Variants in SOS2 observed in about 807,000 individuals in gnomAD.
SOS2 encodes the protein SOS Ras/Rho guanine nucleotide exchange factor 2.
A neutral mutation model predicts 148.2 loss-of-function variants in SOS2; 65 were observed. The observed-to-expected ratio is 0.44, with a 90% CI of 0.36 to 0.54. The LOEUF (loss-of-function observed/expected upper bound fraction) is 0.54. Ranked by LOEUF, SOS2 falls within the 20% of genes least tolerant of loss-of-function variation. The pLI, the probability that SOS2 is intolerant of heterozygous loss-of-function variation, is 0.00. For synonymous variants in SOS2, 539 were observed against 537.1 expected, an observed-to-expected ratio of 1.00 and a Z score of -0.05; for missense variants, 1,341 against 1,590.2, an observed-to-expected ratio of 0.84 and a Z score of 2.67.
At chr14:50,142,427 C>T (rs1203123838) in intron 16 of SOS2, among the ~76,000 whole-genome samples, 2 of 152,050 alleles carry the variant, frequency 1.3e-5, no homozygotes, top group East Asian at 1.9e-4. Flanking sequence ...CTCTATTCCC[C>T]TCTAATAACA....
chr14:50,187,644 C>T (rs184366778), intron 5 of SOS2, among the ~76,000 whole-genome samples: 24 of 152,016 alleles, frequency 1.6e-4, no homozygotes, highest in Admixed American at 3.3e-4. Context: ...CCACTGCACC[C>T]GGTCAAGACT....
intron 21 of SOS2, among the ~76,000 whole-genome samples, chr14:50,125,736 G>A (rs539122066): frequency 1.5e-4 from 23 of 152,286 alleles, no homozygotes; most frequent in Non-Finnish European, 2.8e-4. Context: ...GTTAAGTCTG[G>A]ATAAGGGAGA....
At position 50,145,248 on chromosome 14, in the gene SOS2, C is replaced by A; in HGVS notation, c.2589G>T (p.Leu863Phe). The change falls in exon 16 of 23, where the codon TTG (leucine) becomes TTT (phenylalanine). Residue 863 changes from leucine to phenylalanine, a missense_variant. Physicochemically the swap from Leu to Phe is conservative, Grantham distance 22. Around this residue, in one of 4 missense-constraint regions of SOS2, gnomAD observed 408 missense variants for 506.6 expected, o/e 0.81. Coordinates refer to ENST00000216373, the MANE Select transcript of SOS2 (RefSeq NM_006939.4). ...IIEILQVFQDLNNFNGVLEIV... is the reference protein window; with the variant it reads ...IIEILQVFQDFNNFNGVLEIV... ...TCTCCAATACGCCATTGAAATTATT[C>A]AAATCTTGAAAAACTTGCAGAATTT... 1 of 1,612,092 alleles carries A rather than the reference C, an allele frequency of 6.2e-7. No individual in the cohort carries two copies. Among genetic ancestry groups the A allele is most frequent in the Non-Finnish European group, 8.5e-7 (1 of 1,178,512 alleles).
chr14:50,125,602 T>C (rs1041866910), intron 21 of SOS2, among the ~76,000 whole-genome samples: 54 of 34,900 alleles, frequency 1.5e-3, no homozygotes, highest in Non-Finnish European at 3.1e-3. Flanking sequence ...TGGAGGAAGA[T>C]GAAACCCTAC....
At chr14:50,163,378 GAACT>G (rs1167874203) in intron 8 of SOS2, among the ~76,000 whole-genome samples, 1 of 152,002 alleles carries the variant, frequency 6.6e-6, no homozygotes, top group Non-Finnish European at 1.5e-5. Flanking sequence ...CCTCAGCAAA[GAACT>G]AACTGGCTAT....
At chr14:50,193,151 T>G (rs1886203797) in intron 4 of SOS2, among the ~76,000 whole-genome samples, 1 of 152,140 alleles carries the variant, frequency 6.6e-6, no homozygotes, top group Non-Finnish European at 1.5e-5. Context: ...TTATTTTTAG[T>G]AGAGATGAGG....
chr14:50,129,738 G>A (rs973714647), intron 21 of SOS2, among the ~76,000 whole-genome samples: 5 of 152,160 alleles, frequency 3.3e-5, no homozygotes, highest in Non-Finnish European at 5.9e-5. Context: ...GGGAAGGTAA[G>A]TAATTTCTTC....
intron 4 of SOS2, among the ~76,000 whole-genome samples, chr14:50,189,331 C>CAAAAAAA (rs761860061): frequency 0.35 from 10,668 of 30,820 alleles, 3,170 homozygotes; most frequent in Admixed American, 0.46. Context: ...CACATAATAG[C>CAAAAAAA]AAAAAAAAAA....
chr14:50,143,025 C>T (rs1017600293), intron 16 of SOS2, among the ~76,000 whole-genome samples: 1 of 151,996 alleles, frequency 6.6e-6, no homozygotes, highest in Non-Finnish European at 1.5e-5. Flanking sequence ...ATATGTGCAA[C>T]TAAATAAAAA....
chr14:50,150,259 T>C, intron 13 of SOS2, 29 bp from the exon 14 acceptor site: 1 of 1,394,260 alleles, frequency 7.2e-7, no homozygotes, highest in South Asian at 1.2e-5. Context: ...AAGAAAAATG[T>C]CTTTTACTTG....
chr14:50,210,884 T>C (rs1366852739), intron 1 of SOS2, among the ~76,000 whole-genome samples: 1 of 152,124 alleles, frequency 6.6e-6, no homozygotes, highest in Non-Finnish European at 1.5e-5. Flanking sequence ...ATTCTGATAA[T>C]ATCAAATGTT....
At chr14:50,129,034 G>A (rs1419858033) in intron 21 of SOS2, among the ~76,000 whole-genome samples, 1 of 152,160 alleles carries the variant, frequency 6.6e-6, no homozygotes, top group Non-Finnish European at 1.5e-5. Flanking sequence ...CGAAGCAGAT[G>A]TTCTCCAGAT....
At chr14:50,184,945 T>TG (rs1263956529) in intron 5 of SOS2, among the ~76,000 whole-genome samples, 1 of 150,968 alleles carries the variant, frequency 6.6e-6, no homozygotes, top group African/African-American at 2.4e-5. Context: ...ATGAGCTTCC[T>TG]GGTTGCAGAC....
At chr14:50,163,508 G>A (rs1157136402) in intron 8 of SOS2, among the ~76,000 whole-genome samples, 1 of 152,080 alleles carries the variant, frequency 6.6e-6, no homozygotes, top group African/African-American at 2.4e-5. Flanking sequence ...GTCATCAAGA[G>A]ATTAGCAACA....
At chr14:50,195,512 A>C (rs1407996133) in intron 4 of SOS2, among the ~76,000 whole-genome samples, 1 of 152,220 alleles carries the variant, frequency 6.6e-6, no homozygotes, top group Admixed American at 6.5e-5. Flanking sequence ...CTGTAATCCC[A>C]GCATCTTGGG....
rs1954420863 is a variant in SOS2, at chr14:50,156,887, A to G, written c.2057+112T>C. The G allele has an allele frequency of 7.3e-6, 4 of 547,792 alleles. No homozygotes were observed. In the South Asian group the frequency reaches 1.5e-4, roughly 20 times the overall value. The allele number at this position is 547,792 out of a possible 1,614,324, so 33.9% of individuals were successfully genotyped here. A position where few individuals can be genotyped will look rare whatever the true frequency, so the allele number is the denominator to read the frequency against. On this transcript the variant is annotated intron_variant, in intron 12 of 22. Coordinates refer to ENST00000216373, the MANE Select transcript of SOS2 (RefSeq NM_006939.4). ...TAAAAATATTCCCTATATTTGAATT[A>G]AAAGCTGAGAGCTTTTGTGTTAACT...
At chr14:50,131,859 G>T (rs140494941) in intron 19 of SOS2, among the ~76,000 whole-genome samples, 5 of 152,178 alleles carry the variant, frequency 3.3e-5, no homozygotes, top group Non-Finnish European at 1.5e-5. Context: ...CAATTTCTGA[G>T]GAAAAAATCT....
chr14:50,226,966 C>A (rs186861254), intron 1 of SOS2, among the ~76,000 whole-genome samples: 10 of 152,244 alleles, frequency 6.6e-5, no homozygotes, highest in Non-Finnish European at 1.2e-4. Context: ...AACACAATAG[C>A]TTCAATGATC....
intron 3 of SOS2, among the ~76,000 whole-genome samples, chr14:50,200,208 T>C (rs1260430832): frequency 1.3e-5 from 2 of 152,060 alleles, no homozygotes; most frequent in Non-Finnish European, 2.9e-5. Context: ...TTAAAACCAG[T>C]ATCCCCTAAT....
Sources: allele counts gnomAD v4.1 joint callset (sites outside exome capture counted in the v4.1 genomes callset), GRCh38; gene constraint gnomAD v4.1.1; regional missense constraint gnomAD v4.1.1; transcripts MANE v1.5; gene names NCBI Gene and HGNC (gene_info 2026-07-23, HGNC 2026-07-21).